The following RABGAP1L variants were observed in gnomAD, a reference collection of about 807,000 sequenced individuals.
RABGAP1L encodes the protein RAB GTPase activating protein 1 like.
A neutral mutation model predicts 137.7 loss-of-function variants in RABGAP1L; 63 were observed. The observed-to-expected ratio is 0.46, with a 90% CI of 0.37 to 0.56. The LOEUF (loss-of-function observed/expected upper bound fraction) is 0.56. Ranked by LOEUF, RABGAP1L falls within the 20% of genes least tolerant of loss-of-function variation. The pLI, the probability that RABGAP1L is intolerant of heterozygous loss-of-function variation, is 0.00. For synonymous variants in RABGAP1L, 431 were observed against 433.7 expected, an observed-to-expected ratio of 0.99 and a Z score of 0.08; for missense variants, 1,095 against 1,244.0, an observed-to-expected ratio of 0.88 and a Z score of 1.80.
At chr1:174,959,283 A>G (rs1410014643) in intron 20 of RABGAP1L, among the ~76,000 whole-genome samples, 1 of 152,244 alleles carries the variant, frequency 6.6e-6, no homozygotes, top group Non-Finnish European at 1.5e-5. Context: ...ACTATTATTA[A>G]GCATCCAAAA....
At chr1:174,490,994 C>T (rs1171071269) in intron 13 of RABGAP1L, among the ~76,000 whole-genome samples, 1 of 152,168 alleles carries the variant, frequency 6.6e-6, no homozygotes, top group East Asian at 1.9e-4. Flanking sequence ...CCATGGCAGA[C>T]TCAGAAATGC....
chr1:174,221,209 G>A (rs749415331), intron 3 of RABGAP1L, 45 bp downstream of exon 3: 3 of 1,348,256 alleles, frequency 2.2e-6, no homozygotes, highest in Non-Finnish European at 2.9e-6. Flanking sequence ...ATGGGATAAA[G>A]TAATAGTGAA....
chr1:174,389,818 C>T (rs115931725), intron 12 of RABGAP1L, among the ~76,000 whole-genome samples: 1,654 of 152,176 alleles, frequency 0.011, 31 homozygotes, highest in African/African-American at 0.038. Flanking sequence ...TCTATTCATG[C>T]ATTAAAACCT....
intron 13 of RABGAP1L, among the ~76,000 whole-genome samples, chr1:174,486,160 T>C (rs1659611281): frequency 6.6e-6 from 1 of 151,944 alleles, no homozygotes; most frequent in South Asian, 2.1e-4. Flanking sequence ...CCCTTGAACA[T>C]CTACAGCATC....
chr1:174,975,762 A>T (rs957144726), intron 21 of RABGAP1L, among the ~76,000 whole-genome samples: 1 of 152,338 alleles, frequency 6.6e-6, no homozygotes, highest in East Asian at 1.9e-4. Context: ...CTTTGATGTT[A>T]TTCAAATCTG....
At chr1:174,562,834 T>G (rs540975073) in intron 13 of RABGAP1L, among the ~76,000 whole-genome samples, 14 of 151,944 alleles carry the variant, frequency 9.2e-5, no homozygotes, top group African/African-American at 3.4e-4. Flanking sequence ...GAGGAGAACA[T>G]CATACACTGG....
At chr1:174,728,166 C>A (rs1038394941) in intron 17 of RABGAP1L, among the ~76,000 whole-genome samples, 3 of 152,150 alleles carry the variant, frequency 2.0e-5, no homozygotes, top group Admixed American at 6.5e-5. Flanking sequence ...TCAACTACAA[C>A]TTTTATTTCT....
At chr1:174,973,679 C>T (rs1670365004) in intron 21 of RABGAP1L, among the ~76,000 whole-genome samples, 1 of 152,080 alleles carries the variant, frequency 6.6e-6, no homozygotes, top group Non-Finnish European at 1.5e-5. Context: ...GCCACCGCGC[C>T]TGGCCAGCAT....
intron 13 of RABGAP1L, among the ~76,000 whole-genome samples, chr1:174,620,224 A>G (rs566530669): frequency 1.2e-4 from 18 of 152,310 alleles, no homozygotes; most frequent in Non-Finnish European, 1.5e-4. Flanking sequence ...AGACAGATCA[A>G]TGAGACAGAA....
chr1:174,547,918 C>T (rs1180953497), intron 13 of RABGAP1L: 2 of 1,550,198 alleles, frequency 1.3e-6, no homozygotes, highest in South Asian at 1.2e-5. Context: ...CTCCATGACA[C>T]CCTGTAACCA....
intron 1 of RABGAP1L, among the ~76,000 whole-genome samples, chr1:174,204,156 G>C (rs1418424202): frequency 6.6e-6 from 1 of 152,034 alleles, no homozygotes; most frequent in Non-Finnish European, 1.5e-5. Context: ...TCACCATGTT[G>C]GCCAGGCTGG....
At chr1:174,669,348 C>G (rs1293924190) in intron 14 of RABGAP1L, among the ~76,000 whole-genome samples, 2 of 152,068 alleles carry the variant, frequency 1.3e-5, no homozygotes, top group African/African-American at 4.8e-5. Context: ...TTGGGGATTG[C>G]AATTCAAGAT....
At chr1:174,929,711 A>G (rs941995290) in intron 19 of RABGAP1L, among the ~76,000 whole-genome samples, 7 of 151,154 alleles carry the variant, frequency 4.6e-5, no homozygotes, top group African/African-American at 7.4e-5. Context: ...TCACTGCGCT[A>G]TATTCCAGCC....
intron 13 of RABGAP1L, among the ~76,000 whole-genome samples, chr1:174,463,451 G>A (rs1189161467): frequency 7.1e-6 from 1 of 140,836 alleles, no homozygotes; most frequent in East Asian, 2.1e-4. Flanking sequence ...TCATAGGTGG[G>A]AATCGAACAA....
intron 19 of RABGAP1L, among the ~76,000 whole-genome samples, chr1:174,856,662 C>T (rs1649360921): frequency 6.6e-6 from 1 of 151,946 alleles, no homozygotes; most frequent in African/African-American, 2.4e-5. Flanking sequence ...TGCAGTGGCT[C>T]ACACCTGTAA....
chr1:174,345,097 G>C (rs1682318223), intron 11 of RABGAP1L, among the ~76,000 whole-genome samples: 1 of 152,094 alleles, frequency 6.6e-6, no homozygotes, highest in Non-Finnish European at 1.5e-5. Flanking sequence ...GTTCACTATA[G>C]ACATATGGAT....
intron 13 of RABGAP1L, among the ~76,000 whole-genome samples, chr1:174,616,164 C>T (rs1323623677): frequency 6.6e-6 from 1 of 152,226 alleles, no homozygotes; most frequent in African/African-American, 2.4e-5. Context: ...CACCTGTCTT[C>T]TGCGTCGCTC....
rs373052741 is a variant in RABGAP1L, at chr1:174,456,581, A to G, written c.1710+62436A>G. On this transcript the variant is annotated intron_variant, in intron 13 of 25. Coordinates refer to ENST00000681986, the MANE Select transcript of RABGAP1L (RefSeq NM_001366446.1). ...GTAATCTATAAATTATCAGTCAGGGAATCAGTGATTAGTTTGAATTAGTGA... is the reference window on the plus strand; with the variant it reads ...GTAATCTATAAATTATCAGTCAGGGGATCAGTGATTAGTTTGAATTAGTGA... Among the ~76,000 whole-genome samples, 57 of 152,202 alleles carry G rather than the reference A, an allele frequency of 3.7e-4. No individual in the cohort carries two copies. In the Middle Eastern group the frequency reaches 0.01, roughly 27 times the overall value.
chr1:174,427,185 A>T (rs1457603891), intron 13 of RABGAP1L, among the ~76,000 whole-genome samples: 3 of 137,666 alleles, frequency 2.2e-5, no homozygotes, highest in African/African-American at 8.5e-5. Context: ...TGTGTGTGTG[A>T]ACATTGATTT....
Sources: allele counts gnomAD v4.1 joint callset (sites outside exome capture counted in the v4.1 genomes callset), GRCh38; gene constraint gnomAD v4.1.1; transcripts MANE v1.5; gene names NCBI Gene and HGNC (gene_info 2026-07-23, HGNC 2026-07-21).